MED16: variants seen among roughly 807,000 people sequenced by gnomAD.
MED16 encodes mediator complex subunit 16.
A neutral mutation model predicts 84.4 loss-of-function variants in MED16; 81 were observed. The observed-to-expected ratio is 0.96, with a 90% confidence interval of 0.80 to 1.15. MED16 has a LOEUF of 1.15. Among genes scored for constraint, MED16 ranks in the 50% most tolerant of loss-of-function variants. MED16 has a pLI of 0.00. For synonymous variants in MED16, 897 were observed against 552.2 expected (o/e 1.62, Z -8.76); for missense variants, 1,585 against 1,245.9 (o/e 1.27, Z -4.10).
Position 890,164 on chromosome 19 carries a change from T to C in MED16, c.250A>G (p.Ile84Val). 1 of 1,551,362 alleles carries C rather than the reference T, an allele frequency of 6.4e-7. No homozygotes were observed. The highest frequency in any genetic ancestry group is 8.7e-7 in the Non-Finnish European group (1 of 1,147,382). Residue 84 changes from isoleucine (I) to valine (V), a missense_variant, in exon 3 of 16, where the codon ATC becomes GTC. Physicochemically the swap from Ile to Val is conservative, Grantham distance 29. Coordinates refer to ENST00000325464, the MANE Select transcript of MED16 (RefSeq NM_005481.3). Reference protein sequence around the residue: ...HSIPSEHHEAITCLEWDQSGS... With the variant: ...HSIPSEHHEAVTCLEWDQSGS... Reference sequence around the variant, plus strand: ...GACTGGTCCCACTCCAGGCAGGTGATGGCCTCGTGGTGCTCTGAGGGGATC... The same window carrying C: ...GACTGGTCCCACTCCAGGCAGGTGACGGCCTCGTGGTGCTCTGAGGGGATC...
chr19:891,969 C>T lies in MED16; in HGVS notation c.-18-820G>A, dbSNP rs1294109406. Reference sequence around the variant, plus strand: ...TGGCCGAGCCGGGGGCTGAGTGTGACGGGGAACACCTGTGGCCGAGGCGGG... The same window carrying T: ...TGGCCGAGCCGGGGGCTGAGTGTGATGGGGAACACCTGTGGCCGAGGCGGG... On this transcript the variant is annotated intron_variant, in intron 1 of 15. Transcript: ENST00000325464. Among the ~76,000 whole-genome samples, 4 of 117,810 alleles carry T rather than the reference C, an allele frequency of 3.4e-5. 1 individual carries two copies. Among genetic ancestry groups the T allele is most frequent in the African/African-American group, 6.9e-5 (2 of 29,028 alleles). The allele number at this position is 117,810 out of a possible 152,430, so 77.3% of individuals were successfully genotyped here. A position where few individuals can be genotyped will look rare whatever the true frequency, so the allele number is the denominator to read the frequency against.
At chr19:882,230 G>A (rs368747520) in intron 6 of MED16, among the ~76,000 whole-genome samples, 4 of 152,218 alleles carry the variant, frequency 2.6e-5, no homozygotes, top group Admixed American at 2.0e-4. Context: ...TGACATGGCC[G>A]GGCACAGCAG....
chr19:874,136 C>T (rs377516600), intron 10 of MED16, among the ~76,000 whole-genome samples: 1 of 133,110 alleles, frequency 7.5e-6, no homozygotes, highest in African/African-American at 2.7e-5. Flanking sequence ...TTTTTTGAGA[C>T]AGAGTCTCAC....
chr19:886,275 C>T (rs1028004835), intron 4 of MED16, 74 bp from the exon 5 acceptor site: 30 of 1,314,734 alleles, frequency 2.3e-5, no homozygotes, highest in Non-Finnish European at 2.6e-5. Flanking sequence ...CAGAAACACG[C>T]GCACAGAAGA....
chr19:887,145 T>C (rs552096630), intron 4 of MED16, among the ~76,000 whole-genome samples: 3 of 150,842 alleles, frequency 2.0e-5, no homozygotes, highest in East Asian at 1.9e-4. Context: ...GGAAGAGAAG[T>C]GTATCATACG....
At chr19:891,507 C>A (rs2036631415) in intron 1 of MED16, among the ~76,000 whole-genome samples, 2 of 146,790 alleles carry the variant, frequency 1.4e-5, no homozygotes, top group South Asian at 4.1e-4. Flanking sequence ...ATGATGGGGG[C>A]AGCAAGTGGA....
chr19:871,466 G>A lies in MED16; in HGVS notation c.2099-213C>T, dbSNP rs753349779. 2.3e-5 allele frequency: 33 copies of A among 1,434,470 alleles called. No individual in the cohort carries two copies. In the Admixed American group the frequency reaches 3.8e-4, roughly 16 times the overall value. The allele number at this position is 1,434,470 out of a possible 1,614,324, so 88.9% of individuals were successfully genotyped here. A position where few individuals can be genotyped will look rare whatever the true frequency, so the allele number is the denominator to read the frequency against. ...CCCCAGAGTTCTCTCCCCGTCTCTG[G>A]CCTGTCATGAGACTCCCTCATTCAC... On this transcript the variant is annotated intron_variant, in intron 12 of 15. Transcript: ENST00000325464.
At chr19:872,154 G>A (rs759548933) in intron 11 of MED16, 36 bp from the exon 12 acceptor site, 65 of 1,560,666 alleles carry the variant, frequency 4.2e-5, no homozygotes, top group Middle Eastern at 1.7e-4. Flanking sequence ...CTGGGGCGGC[G>A]GGGGGCAGAT....
At chr19:889,038 C>G (rs1277566670) in intron 4 of MED16, among the ~76,000 whole-genome samples, 1 of 147,900 alleles carries the variant, frequency 6.8e-6, no homozygotes, top group East Asian at 2.0e-4. Flanking sequence ...CTGGCCACGC[C>G]TACTCTTAAC....
chr19:879,095 G>C (rs995877271), intron 8 of MED16, among the ~76,000 whole-genome samples: 5 of 64,140 alleles, frequency 7.8e-5, no homozygotes. Context: ...TGCCCCAGCA[G>C]CTCGCCTTCC....
At chr19:875,500 G>A (rs374480314) in intron 9 of MED16, 46 bp from the exon 10 acceptor site, 27 of 1,456,644 alleles carry the variant, frequency 1.9e-5, no homozygotes, top group South Asian at 1.1e-4. Flanking sequence ...GAGCAGAGGC[G>A]CCCGCCAAGG....
intron 6 of MED16, among the ~76,000 whole-genome samples, chr19:884,165 C>G (rs1176583873): frequency 6.6e-6 from 1 of 152,336 alleles, no homozygotes; most frequent in East Asian, 1.9e-4. Flanking sequence ...TGCCTGTGCT[C>G]TCATCTACCG....
chr19:890,630 G>A (rs150469412), intron 2 of MED16, among the ~76,000 whole-genome samples: 2 of 152,334 alleles, frequency 1.3e-5, no homozygotes, highest in East Asian at 1.9e-4. Flanking sequence ...GACGGGCACA[G>A]CCACCACGCA....
At chr19:874,888 AATCCCAGCCTTTAGGCTAT>A (rs1287331320) in intron 10 of MED16, among the ~76,000 whole-genome samples, 1 of 152,136 alleles carries the variant, frequency 6.6e-6, no homozygotes. Flanking sequence ...GGTGTGGTGT[AATCCCAGCCTTTAGGCTAT>A]ATCCCAGCAC....
At chr19:873,772 C>T (rs1040065112) in intron 10 of MED16, among the ~76,000 whole-genome samples, 190 bp from the exon 11 acceptor site, 1 of 152,114 alleles carries the variant, frequency 6.6e-6, no homozygotes, top group Non-Finnish European at 1.5e-5. Context: ...ACTGCCTGCC[C>T]CCCCCCGGGG....
rs949574158 is a variant in MED16 at position 875,147 on chromosome 19, G to C, written c.1771+97C>G. 36 of 848,592 alleles carry C rather than the reference G, an allele frequency of 4.2e-5. 1 individual carries two copies. The highest frequency in any genetic ancestry group is 3.7e-4 in the Admixed American group (11 of 29,910). 52.6% of individuals were successfully genotyped at this position (848,592 alleles called of 1,614,324 possible). ...CCACTGCACTCCAGCCTGGGCAACA[G>C]AGTAAGACCCTATCTCAAAAGAGTA... On this transcript the variant is annotated intron_variant, in intron 10 of 15. Transcript: ENST00000325464.
At chr19:879,475 G>A (rs563076638) in intron 8 of MED16, among the ~76,000 whole-genome samples, 1 of 128,714 alleles carries the variant, frequency 7.8e-6, no homozygotes, top group East Asian at 2.5e-4. Flanking sequence ...GGTTGTCAAT[G>A]CCCACCAGCC....
intron 4 of MED16, among the ~76,000 whole-genome samples, chr19:886,483 A>T (rs984792254): frequency 8.5e-5 from 13 of 152,228 alleles, no homozygotes; most frequent in Non-Finnish European, 1.8e-4. Context: ...CCCTTTCTGT[A>T]AAGGGACAGA....
chr19:886,094 G>A lies in MED16; in HGVS notation c.555C>T (p.Ser185=), dbSNP rs758487854. 26 of 1,590,920 alleles carry A rather than the reference G, an allele frequency of 1.6e-5. No homozygotes were observed. The highest frequency in any genetic ancestry group is 6.7e-5 in the East Asian group (3 of 44,454). The change falls in exon 5 of 16, where the codon AGC becomes AGT. Residue 185 remains serine (S), a synonymous_variant. Transcript: ENST00000325464. ...TCAGCAGGGACACGGTGACCAGGCC[G>A]CTGACCGTCACCGCGATCCAGCCCT... ...PMEGWIAVTV[S]GLVTVSLLKP...
Sources: allele counts gnomAD v4.1 joint callset (sites outside exome capture counted in the v4.1 genomes callset), GRCh38; gene constraint gnomAD v4.1.1; transcripts MANE v1.5; gene names NCBI Gene and HGNC (gene_info 2026-07-23, HGNC 2026-07-21).